Variants in CASZ1 observed in about 807,000 individuals in gnomAD.
The protein encoded by CASZ1 is castor zinc finger 1, also known as zinc finger protein castor homolog 1.
Under a neutral mutation model 135.2 loss-of-function variants are expected in CASZ1, and 28 were observed. That is an observed-to-expected ratio of 0.21 (90% CI 0.15 to 0.28). CASZ1 has a LOEUF of 0.28. CASZ1 is among the 10% of genes least tolerant of loss of function. The probability of loss-of-function intolerance (pLI) is 1.00; values close to 1 mark genes in which losing one functional copy is unlikely to be tolerated. For synonymous variants in CASZ1, 1,068 were observed against 1,073.4 expected (o/e 0.99, Z 0.10); for missense variants, 2,161 against 2,453.3 (o/e 0.88, Z 2.52).
At chr1:10,669,662 C>A (rs1002682687) in intron 4 of CASZ1, among the ~76,000 whole-genome samples, 2 of 152,190 alleles carry the variant, frequency 1.3e-5, no homozygotes, top group Admixed American at 1.3e-4. Context: ...TGGTCAGGGC[C>A]AGGCCCCCTC....
At chr1:10,782,125 C>G (rs749252124) in intron 1 of CASZ1, among the ~76,000 whole-genome samples, 1 of 152,238 alleles carries the variant, frequency 6.6e-6, no homozygotes, top group Non-Finnish European at 1.5e-5. Context: ...TCTATAGAGA[C>G]AGGTTGGTCA....
At position 10,782,373 on chromosome 1, in the gene CASZ1, C is replaced by T. The variant is rs182365502; in HGVS notation, c.-234+14191G>A. Among the ~76,000 whole-genome samples the T allele has an allele frequency of 1.3e-3, 193 of 152,334 alleles. 3 individuals are homozygous for T. The highest frequency in any genetic ancestry group is 9.9e-3 in the Admixed American group (152 of 15,306). ...CTTGGCATCCATGAACCCTCAACAT[C>T]GAAATCCTTCTTTACAAACCAGGGA... On this transcript the variant is annotated intron_variant, in intron 1 of 20. Transcript: ENST00000377022.
Position 10,735,884 on chromosome 1 carries a change from G to A in CASZ1, c.-77+24817C>T, listed in dbSNP as rs542589348. ...TCAGGGGCAGCCCCAGGCACATCAGGTTGAAAATGTGCTTTTTCAGCCAGC... is the reference window on the plus strand; with the variant it reads ...TCAGGGGCAGCCCCAGGCACATCAGATTGAAAATGTGCTTTTTCAGCCAGC... On this transcript the variant is annotated intron_variant, in intron 2 of 20. Transcript: ENST00000377022. The surrounding 1 kb of genome is among the most constrained non-coding windows in gnomAD (Gnocchi z 5.1). 2.0e-5 allele frequency among the ~76,000 whole-genome samples: 3 copies of A among 152,126 alleles called. No homozygotes were observed. Among genetic ancestry groups the A allele is most frequent in the Non-Finnish European group, 4.4e-5 (3 of 68,028 alleles).
chr1:10,733,001 CT>C, intron 2 of CASZ1, among the ~76,000 whole-genome samples: 1 of 152,278 alleles, frequency 6.6e-6, no homozygotes, highest in East Asian at 1.9e-4. Flanking sequence ...GCTCACCTTG[CT>C]CTGTTCTGCC....
At chr1:10,714,843 C>T (rs2100465793) in intron 2 of CASZ1, among the ~76,000 whole-genome samples, 1 of 152,330 alleles carries the variant, frequency 6.6e-6, no homozygotes, top group East Asian at 1.9e-4. Context: ...TGCCCCTTCC[C>T]TGGCCAGCCC....
intron 4 of CASZ1, among the ~76,000 whole-genome samples, chr1:10,672,964 G>A (rs1050010752): frequency 6.6e-6 from 1 of 152,194 alleles, no homozygotes; most frequent in Admixed American, 6.5e-5. Context: ...GTGTTTGGAG[G>A]TGGGCTGGCG....
rs984295338 is a variant in CASZ1, at chr1:10,777,851, T to A, written c.-233-16994A>T. On this transcript the variant is annotated intron_variant, in intron 1 of 20. Coordinates refer to ENST00000377022, the MANE Select transcript of CASZ1 (RefSeq NM_001079843.3). This position sits in a 1 kb window ranked among gnomAD's most constrained non-coding sequence, Gnocchi z 4.4. ...CAACCACACACAATCTCACACACTC[T>A]CATATACAATGACTCACGATCTCAC... Among the ~76,000 whole-genome samples, 11 of 151,328 alleles carry A rather than the reference T, an allele frequency of 7.3e-5. No individual in the cohort carries two copies. The highest frequency in any genetic ancestry group is 2.7e-4 in the African/African-American group (11 of 41,118).
rs1454391154 is a variant in CASZ1 at position 10,646,305 on chromosome 1, G to T, written c.3519C>A (p.Asp1173Glu). 6.2e-7 allele frequency: 1 copy of T among 1,614,082 alleles called. No homozygotes were observed. The highest frequency in any genetic ancestry group is 1.7e-5 in the Admixed American group (1 of 60,012). ...FQENDPCLAT[D>E]CKYANKFHFH... is the part of the protein sequence containing the mutation. ...AGTGGAACTTGTTGGCGTACTTGCA[G>T]TCCGTGGCGAGGCAAGGATCGCTGG... Residue 1173 changes from aspartate (D) to glutamate (E), a missense_variant, in exon 17 of 21, where the codon GAC (aspartate) becomes GAA (glutamate). By Grantham distance (45) the Asp-to-Glu change is conservative. Around this residue, in one of 7 missense-constraint regions of CASZ1, gnomAD observed 349 missense variants for 460.8 expected, o/e 0.76. Transcript: ENST00000377022. This position sits in a 1 kb window ranked among gnomAD's most constrained non-coding sequence, Gnocchi z 6.4.
chr1:10,723,868 C>G (rs552432734), intron 2 of CASZ1, among the ~76,000 whole-genome samples: 18 of 152,328 alleles, frequency 1.2e-4, no homozygotes, highest in Non-Finnish European at 2.1e-4. Flanking sequence ...CTCAGGTGGC[C>G]TCCCCAGTTC....
intron 9 of CASZ1, among the ~76,000 whole-genome samples, chr1:10,655,424 T>A (rs1317447367): frequency 6.6e-6 from 1 of 152,250 alleles, no homozygotes. Context: ...AGTATGGCCA[T>A]GGGGAAGGCC....
chr1:10,639,023 C>T lies in CASZ1; in HGVS notation c.5199G>A (p.Ala1733=), dbSNP rs1262204347. 3 of 1,015,224 alleles carry T rather than the reference C, an allele frequency of 3.0e-6. No homozygotes were observed. The highest frequency in any genetic ancestry group is 3.6e-6 in the Non-Finnish European group (3 of 843,886). The allele number at this position is 1,015,224 out of a possible 1,614,324, so 62.9% of individuals were successfully genotyped here. A position where few individuals can be genotyped will look rare whatever the true frequency, so the allele number is the denominator to read the frequency against. Residue 1733 remains alanine (A), a synonymous_variant, in exon 21 of 21, where the codon GCG becomes GCA. Transcript: ENST00000377022. The surrounding 1 kb of genome is among the most constrained non-coding windows in gnomAD (Gnocchi z 4.0). ...CCGCCAAGGCCGGGGTCCGCGCGCC[C>T]GCGCCCGCCGCCTCCGCCGCCGCCT... The part of the protein sequence containing the change: ...LPEAAAEAAG[A]GARTPALAAL...
intron 1 of CASZ1, among the ~76,000 whole-genome samples, chr1:10,765,045 T>C (rs1640448251): frequency 6.6e-6 from 1 of 152,144 alleles, no homozygotes; most frequent in Non-Finnish European, 1.5e-5. Flanking sequence ...AAGGGCTTTA[T>C]CTTTGGGGGC....
chr1:10,685,834 C>A (rs538774888), intron 4 of CASZ1, among the ~76,000 whole-genome samples: 2 of 152,366 alleles, frequency 1.3e-5, no homozygotes, highest in South Asian at 4.1e-4. Flanking sequence ...TGGGGATACC[C>A]AGGAAGCTCC....
chr1:10,670,506 T>C (rs1188200977), intron 4 of CASZ1, among the ~76,000 whole-genome samples: 1 of 152,238 alleles, frequency 6.6e-6, no homozygotes, highest in Non-Finnish European at 1.5e-5. Context: ...GCCCCAGTTT[T>C]GGGGTGCTGT....
Position 10,660,310 on chromosome 1 carries a change from G to A in CASZ1, c.732C>T (p.Arg244=), listed in dbSNP as rs1056721405. 4 of 1,614,128 alleles carry A rather than the reference G, an allele frequency of 2.5e-6. No homozygotes were observed. The highest frequency in any genetic ancestry group is 2.2e-5 in the East Asian group (1 of 44,874). The change falls in exon 6 of 21, where the codon CGC becomes CGT. Residue 244 remains arginine, a synonymous_variant. Coordinates refer to ENST00000377022, the MANE Select transcript of CASZ1 (RefSeq NM_001079843.3). ...AGAGCTGCTCGCCAGCCTTGAGCTT[G>A]CGGATGTACTCCTCATACTTAGAGA... The part of the protein sequence containing the change: ...ARFSKYEEYI[R]KLKAGEQLSW...
chr1:10,765,085 A>C (rs1240305691), intron 1 of CASZ1, among the ~76,000 whole-genome samples: 2 of 152,164 alleles, frequency 1.3e-5, no homozygotes, highest in African/African-American at 4.8e-5. Flanking sequence ...TGCCTCCCCT[A>C]CATCGGAACC....
rs1315359105 is a variant in CASZ1 at position 10,724,307 on chromosome 1, G to A, written c.-76-18763C>T. Among the ~76,000 whole-genome samples, 2 of 152,204 alleles carry A rather than the reference G, an allele frequency of 1.3e-5. No homozygotes were observed. Among genetic ancestry groups the A allele is most frequent in the Non-Finnish European group, 2.9e-5 (2 of 68,036 alleles). The stretch of plus-strand genomic sequence containing the variant: ...CCTTTCTGAGGAAATCAAAGTGAAC[G>A]CAACTGTTACCAAGTCACTACTAAA... On this transcript the variant is annotated intron_variant, in intron 2 of 20. Coordinates refer to ENST00000377022, the MANE Select transcript of CASZ1 (RefSeq NM_001079843.3). This position sits in a 1 kb window ranked among gnomAD's most constrained non-coding sequence, Gnocchi z 4.1.
intron 2 of CASZ1, among the ~76,000 whole-genome samples, chr1:10,754,081 C>G (rs1640200692): frequency 6.6e-6 from 1 of 152,148 alleles, no homozygotes. Context: ...GCTCTTCCTA[C>G]AGATATCGAT....
chr1:10,671,764 G>A (rs1045826805), intron 4 of CASZ1, among the ~76,000 whole-genome samples: 3 of 152,250 alleles, frequency 2.0e-5, no homozygotes, highest in South Asian at 4.1e-4. Flanking sequence ...CGCTATGCCC[G>A]AGGCTGGCAC....
Sources: allele counts gnomAD v4.1 joint callset (sites outside exome capture counted in the v4.1 genomes callset), GRCh38; gene constraint gnomAD v4.1.1; regional missense constraint gnomAD v4.1.1; non-coding constraint Gnocchi (gnomAD v3.1); transcripts MANE v1.5; gene names NCBI Gene and HGNC (gene_info 2026-07-23, HGNC 2026-07-21).